The following MBD5 variants were observed in gnomAD, a reference collection of about 807,000 sequenced individuals.
MBD5 encodes the protein methyl-CpG-binding domain protein 5.
MBD5 carries 13 observed loss-of-function variants against 117.3 expected under a neutral mutation model. The ratio of observed to expected loss-of-function variants is 0.11; its 90% CI spans 0.07 to 0.18. The LOEUF is 0.18. Ranked by LOEUF, MBD5 falls within the 10% of genes least tolerant of loss-of-function variation. MBD5 has a pLI of 1.00. For missense variants in MBD5, 1,879 were observed against 2,093.8 expected (o/e 0.90, Z 2.00); for synonymous variants, 727 against 766.4 (o/e 0.95, Z 0.85).
intron 3 of MBD5, among the ~76,000 whole-genome samples, chr2:148,329,331 A>G (rs1702569861): frequency 6.6e-6 from 1 of 152,200 alleles, no homozygotes. Flanking sequence ...TAATTTTAAG[A>G]AAACAAATGC....
chr2:148,352,842 G>T (rs747733041), intron 4 of MBD5, among the ~76,000 whole-genome samples: 10 of 151,986 alleles, frequency 6.6e-5, no homozygotes, highest in Non-Finnish European at 1.0e-4. Context: ...CCCTAATAAG[G>T]TATTGCCTTC....
chr2:148,280,131 CAAAA>C (rs3076398), intron 3 of MBD5, among the ~76,000 whole-genome samples: 7 of 91,886 alleles, frequency 7.6e-5, no homozygotes, highest in South Asian at 8.9e-4. Context: ...AAACTAACTG[CAAAA>C]AAAAAAAAAA....
intron 1 of MBD5, among the ~76,000 whole-genome samples, chr2:148,114,303 C>T (rs1392770615): frequency 6.6e-6 from 1 of 152,038 alleles, no homozygotes; most frequent in Non-Finnish European, 1.5e-5. Flanking sequence ...AAGTCCGTCT[C>T]TACTAAAAAT....
chr2:148,376,422 A>T (rs1036092515), intron 4 of MBD5, among the ~76,000 whole-genome samples: 7 of 150,360 alleles, frequency 4.7e-5, no homozygotes, highest in Non-Finnish European at 1.0e-4. Context: ...CGCCCGCCAC[A>T]ACGCCCGGCT....
chr2:148,245,069 A>G (rs146104384), intron 3 of MBD5, among the ~76,000 whole-genome samples: 84 of 152,310 alleles, frequency 5.5e-4, no homozygotes, highest in Non-Finnish European at 9.1e-4. Context: ...CATGATCACT[A>G]TTGAATCTAA....
chr2:148,196,692 T>C (rs1698997176), intron 2 of MBD5, among the ~76,000 whole-genome samples: 1 of 152,178 alleles, frequency 6.6e-6, no homozygotes, highest in South Asian at 2.1e-4. Flanking sequence ...GCTTACCAAA[T>C]GGGAAATCCG....
At chr2:148,026,722 G>C (rs374338606) in intron 1 of MBD5, 2 of 152,148 alleles carry the variant, frequency 1.3e-5, no homozygotes, top group African/African-American at 4.8e-5. Flanking sequence ...TAGTAGTTCA[G>C]GGTCAGCCTG....
intron 10 of MBD5, 128 bp from the exon 11 acceptor site, chr2:148,489,258 T>G: frequency 3.5e-6 from 4 of 1,152,274 alleles, no homozygotes; most frequent in Non-Finnish European, 5.0e-6. Context: ...TTTTGAGTCT[T>G]GTTCTTTATA....
chr2:148,279,523 T>A (rs1701192709), intron 3 of MBD5, among the ~76,000 whole-genome samples: 1 of 152,196 alleles, frequency 6.6e-6, no homozygotes, highest in African/African-American at 2.4e-5. Flanking sequence ...GAGTAATTAA[T>A]GCTTTACCAG....
chr2:148,348,243 T>A (rs1212894949), intron 4 of MBD5, among the ~76,000 whole-genome samples: 1 of 151,880 alleles, frequency 6.6e-6, no homozygotes. Context: ...CACACAACTT[T>A]AGCCCGTACC....
intron 1 of MBD5, among the ~76,000 whole-genome samples, chr2:148,160,977 G>A (rs951693952): frequency 9.2e-5 from 14 of 152,004 alleles, no homozygotes; most frequent in African/African-American, 3.4e-4. Context: ...TTGAATTATG[G>A]GAGAAGACTC....
intron 3 of MBD5, among the ~76,000 whole-genome samples, chr2:148,326,554 C>T (rs1021975193): frequency 6.6e-6 from 1 of 152,128 alleles, no homozygotes; most frequent in Non-Finnish European, 1.5e-5. Context: ...GGATAGTTAG[C>T]TTTTCTTGGT....
At chr2:148,470,666 G>A in intron 8 of MBD5, 1 of 537,776 alleles carries the variant, frequency 1.9e-6, no homozygotes, top group Non-Finnish European at 3.2e-6. Context: ...GATTTCATGT[G>A]TTTCCATTAT....
chr2:148,447,505 T>C (rs1432535929), intron 4 of MBD5: 1 of 152,196 alleles, frequency 6.6e-6, no homozygotes, highest in Non-Finnish European at 1.5e-5. Context: ...AAATAAGTTA[T>C]ACCTCTTGTC....
At chr2:148,374,655 G>A (rs1304264783) in intron 4 of MBD5, among the ~76,000 whole-genome samples, 1 of 152,140 alleles carries the variant, frequency 6.6e-6, no homozygotes, top group African/African-American at 2.4e-5. Context: ...CCTTCACCCT[G>A]AGGTTAAGGT....
At chr2:148,105,146 C>G (rs1696335077) in intron 1 of MBD5, among the ~76,000 whole-genome samples, 1 of 150,560 alleles carries the variant, frequency 6.6e-6, no homozygotes, top group South Asian at 2.1e-4. Context: ...GCATGAATTT[C>G]TTTTAATATT....
chr2:148,157,847 A>G lies in MBD5; in HGVS notation c.-924-20853A>G, dbSNP rs568139117. Among the ~76,000 whole-genome samples, 3 of 152,338 alleles carry G rather than the reference A, an allele frequency of 2.0e-5. No individual in the cohort carries two copies. The East Asian group carries it at 5.8e-4, about 29-fold the overall frequency. On this transcript the variant is annotated intron_variant, in intron 1 of 13. Coordinates refer to ENST00000642680, the MANE Select transcript of MBD5 (RefSeq NM_001378120.1). ...TAAATTGGATTAACTTTTTTATTCCAGAGGACAGTTTAACAATATATATTG... is the reference window on the plus strand; with the variant it reads ...TAAATTGGATTAACTTTTTTATTCCGGAGGACAGTTTAACAATATATATTG...
chr2:148,032,454 T>G (rs1694065816), intron 1 of MBD5, among the ~76,000 whole-genome samples: 2 of 152,074 alleles, frequency 1.3e-5, no homozygotes, highest in South Asian at 4.1e-4. Flanking sequence ...GTTAATTTGA[T>G]CAAGATGAAG....
rs75512547 is a variant in MBD5 at position 148,053,595 on chromosome 2, A to G, written c.-925+31911A>G. On this transcript the variant is annotated intron_variant, in intron 1 of 13. Transcript: ENST00000642680. The stretch of plus-strand genomic sequence containing the variant: ...ATAGTCTATTTATCTTTAACAGTAT[A>G]TTTAGTTTGGCCTGGTTATAAAATT... Among the ~76,000 whole-genome samples, 439 of 152,098 alleles carry G rather than the reference A, an allele frequency of 2.9e-3. 1 individual carries two copies. Among genetic ancestry groups the G allele is most frequent in the African/African-American group, 0.01 (428 of 41,508 alleles).
Sources: gnomAD v4.1 joint callset for allele counts (sites outside exome capture counted in the v4.1 genomes callset) on GRCh38, gnomAD v4.1.1 for gene constraint, MANE v1.5 for transcripts, NCBI Gene and HGNC (gene_info 2026-07-23, HGNC 2026-07-21) for gene names.